PPP2R1B: variants seen among roughly 807,000 people sequenced by gnomAD.
The protein encoded by PPP2R1B is protein phosphatase 2 scaffold subunit Abeta, also known as serine/threonine-protein phosphatase 2A 65 kDa regulatory subunit A beta isoform.
A neutral mutation model predicts 72.7 loss-of-function variants in PPP2R1B; 58 were observed. The ratio of observed to expected loss-of-function variants is 0.80; its 90% confidence interval spans 0.65 to 0.99. The LOEUF (loss-of-function observed/expected upper bound fraction) is 0.99. PPP2R1B is among the 50% of genes least tolerant of loss of function. The probability of loss-of-function intolerance (pLI) is 0.00; values close to 1 mark genes in which losing one functional copy is unlikely to be tolerated. For synonymous variants in PPP2R1B, 256 were observed against 264.6 expected, an observed-to-expected ratio of 0.97 and a Z score of 0.32; for missense variants, 695 against 733.6, an observed-to-expected ratio of 0.95 and a Z score of 0.61.
the PPP2R1B span, among the ~76,000 whole-genome samples, chr11:111,718,542 G>A: frequency 6.6e-6 from 1 of 152,184 alleles, no homozygotes; most frequent in South Asian, 2.1e-4. Flanking sequence ...AGCCCAGAAT[G>A]GATTTTATGG....
At chr11:111,758,876 A>G (rs1172866387) in intron 5 of PPP2R1B, among the ~76,000 whole-genome samples, 3 of 152,156 alleles carry the variant, frequency 2.0e-5, no homozygotes, top group Non-Finnish European at 2.9e-5. Flanking sequence ...ATAATTTTTA[A>G]AATTATTTTC....
chr11:111,698,362 C>T, the PPP2R1B span, among the ~76,000 whole-genome samples: 6 of 152,336 alleles, frequency 3.9e-5, no homozygotes, highest in East Asian at 9.7e-4. Context: ...TGACAGGCCT[C>T]TGTCCCATTC....
intron 15 of PPP2R1B, chr11:111,729,108 A>G (rs530782805): frequency 6.6e-6 from 1 of 152,330 alleles, no homozygotes; most frequent in South Asian, 2.1e-4. Flanking sequence ...GGAGCCTCTC[A>G]CCTTCCAGTA....
downstream of PPP2R1B, chr11:111,723,475 C>T (rs756056692): frequency 6.4e-7 from 1 of 1,566,624 alleles, no homozygotes; most frequent in Non-Finnish European, 8.6e-7. Context: ...AAAATTCTTT[C>T]CTTTGATATT....
chr11:111,723,922 G>A (rs763044320), downstream of PPP2R1B: 34 of 1,613,530 alleles, frequency 2.1e-5, no homozygotes, highest in Middle Eastern at 1.6e-4. Context: ...CTTCCCCTGC[G>A]CCAGACTATC....
At chr11:111,719,977 A>G in the PPP2R1B span, 2 of 1,614,012 alleles carry the variant, frequency 1.2e-6, no homozygotes, top group East Asian at 2.2e-5. Context: ...GAAGTGACCA[A>G]TCAACTGGTC....
chr11:111,758,827 C>T (rs567868265), intron 5 of PPP2R1B, among the ~76,000 whole-genome samples: 1 of 152,030 alleles, frequency 6.6e-6, no homozygotes, highest in African/African-American at 2.4e-5. Context: ...TTAAGTTATA[C>T]ATTCATTTTG....
chr11:111,736,566 G>A (rs618138), downstream of PPP2R1B, among the ~76,000 whole-genome samples: 16,918 of 152,160 alleles, frequency 0.11, 1,236 homozygotes, highest in Non-Finnish European at 0.17. Flanking sequence ...CTCACTGTGC[G>A]GCCACTGCAG....
At chr11:111,716,695 C>T in the PPP2R1B span, among the ~76,000 whole-genome samples, 1 of 152,122 alleles carries the variant, frequency 6.6e-6, no homozygotes, top group African/African-American at 2.4e-5. Context: ...AGACATAATT[C>T]CTCTTGTAGT....
downstream of PPP2R1B, chr11:111,737,635 G>C: frequency 1.2e-6 from 2 of 1,603,452 alleles, no homozygotes; most frequent in Non-Finnish European, 1.7e-6. Context: ...AAGCCCACCT[G>C]TGCTTCCCAG....
chr11:111,716,190 T>C, the PPP2R1B span, among the ~76,000 whole-genome samples: 2 of 152,200 alleles, frequency 1.3e-5, no homozygotes, highest in Non-Finnish European at 2.9e-5. Flanking sequence ...ACTGTGAGGG[T>C]AGACCCTGAA....
the PPP2R1B span, among the ~76,000 whole-genome samples, chr11:111,698,316 A>G: frequency 6.6e-6 from 1 of 152,206 alleles, no homozygotes; most frequent in Non-Finnish European, 1.5e-5. Flanking sequence ...GTGTACTATG[A>G]GAGCCTAAGG....
At chr11:111,723,999 G>A, downstream of PPP2R1B, 1 of 1,614,200 alleles carries the variant, frequency 6.2e-7, no homozygotes, top group Non-Finnish European at 8.5e-7. Flanking sequence ...GACTGTCCCA[G>A]AAGCCCAGGA....
At position 111,766,326 on chromosome 11, in the gene PPP2R1B, T is replaced by C. The variant is rs1458480585; in HGVS notation, c.36A>G (p.Gly12=). The change falls in exon 1 of 15, where the codon GGA becomes GGG. Residue 12 remains glycine, a synonymous_variant. Coordinates refer to ENST00000527614, the MANE Select transcript of PPP2R1B (RefSeq NM_002716.5). ...AATCATCTCCATCTCCACCCGCTGCTCCTGGGCCGGTCCCGAGCTCTGATG... is the reference window on the plus strand; with the variant it reads ...AATCATCTCCATCTCCACCCGCTGCCCCTGGGCCGGTCCCGAGCTCTGATG... ...AGASELGTGP[G]AAGGDGDDSL... is the part of the protein sequence containing the mutation. 2 of 1,548,066 alleles carry C rather than the reference T, an allele frequency of 1.3e-6. No homozygotes were observed. Among genetic ancestry groups the C allele is most frequent in the Admixed American group, 1.9e-5 (1 of 53,826 alleles).
chr11:111,745,963 G>A (rs552454388), intron 11 of PPP2R1B, among the ~76,000 whole-genome samples: 2 of 152,314 alleles, frequency 1.3e-5, no homozygotes, highest in East Asian at 3.9e-4. Context: ...ATTGGTTCAT[G>A]GAACTCTTGC....
intron 5 of PPP2R1B, among the ~76,000 whole-genome samples, chr11:111,756,088 T>C (rs1205906929): frequency 2.0e-5 from 3 of 151,920 alleles, no homozygotes; most frequent in Non-Finnish European, 4.4e-5. Context: ...CGGGTGCCTG[T>C]AGTCCCAGCT....
chr11:111,712,515 CT>C, the PPP2R1B span: 1 of 857,306 alleles, frequency 1.2e-6, no homozygotes, highest in Non-Finnish European at 1.8e-6. Flanking sequence ...GGAGAAAAAC[CT>C]TAGAACAGTG....
Position 111,742,054 on chromosome 11 carries a change from AC to A in PPP2R1B, c.1787del (p.Ser596MetfsTer17). 11 of 1,610,506 alleles carry A rather than the reference AC, an allele frequency of 6.8e-6. No individual in the cohort carries two copies. The highest frequency in any genetic ancestry group is 9.3e-6 in the Non-Finnish European group (11 of 1,176,724). On this transcript the variant is annotated frameshift_variant and splice_region_variant, in exon 14 of 15. Transcript: ENST00000527614. LOFTEE classifies it high-confidence loss of function. ...DVKYFAQEAI[S>X]VLALA Reference sequence around the variant, plus strand: ...AAGGCAAAAGAAGGAAATACATACCACTTATAGCTTCCTGTGCAAAGTATTT... The same window carrying A: ...AAGGCAAAAGAAGGAAATACATACCATTATAGCTTCCTGTGCAAAGTATTT...
In PPP2R1B at chr11:111,738,266, C is replaced by A. The variant is rs1435213137; in HGVS notation, c.*3330G>T. 1 of 985,352 alleles carries A rather than the reference C, an allele frequency of 1.0e-6. No individual in the cohort carries two copies. Among genetic ancestry groups the A allele is most frequent in the Non-Finnish European group, 1.2e-6 (1 of 829,990 alleles). 61.0% of individuals were successfully genotyped at this position (985,352 alleles called of 1,614,324 possible). On this transcript the variant is annotated 3_prime_UTR_variant, in exon 15 of 15. Transcript: ENST00000527614. ...CCAAGCAGTGGAGAAAAATAAGAAGCTTTACGATAAGAGTGTCACCATTTT... is the reference window on the plus strand; with the variant it reads ...CCAAGCAGTGGAGAAAAATAAGAAGATTTACGATAAGAGTGTCACCATTTT...
Sources: gnomAD v4.1 joint callset for allele counts (sites outside exome capture counted in the v4.1 genomes callset) on GRCh38, gnomAD v4.1.1 for gene constraint, MANE v1.5 for transcripts, NCBI Gene and HGNC (gene_info 2026-07-23, HGNC 2026-07-21) for gene names.